USP19: variants seen among roughly 807,000 people sequenced by gnomAD.
The protein encoded by USP19 is ubiquitin specific peptidase 19, also known as ubiquitin carboxyl-terminal hydrolase 19.
Under a neutral mutation model 144.8 loss-of-function variants are expected in USP19, and 40 were observed. The ratio of observed to expected loss-of-function variants is 0.28; its 90% confidence interval spans 0.21 to 0.36. The LOEUF is 0.36. Among genes scored for constraint, USP19 ranks in the 10% least tolerant of loss-of-function variants. The pLI is 1.00. For missense variants in USP19, 1,518 were observed against 1,822.5 expected (o/e 0.83, Z 3.04); for synonymous variants, 701 against 709.3 (o/e 0.99, Z 0.19).
intron 17 of USP19, 22 bp downstream of exon 17, chr3:49,113,970 G>T: frequency 6.2e-7 from 1 of 1,611,968 alleles, no homozygotes; most frequent in Non-Finnish European, 8.5e-7. Context: ...ACATGTGATA[G>T]CCCAAGGAAG....
At position 49,114,670 on chromosome 3, in the gene USP19, G is replaced by A. The variant is rs1314771995; in HGVS notation, c.2292+93C>T. On this transcript the variant is annotated intron_variant, in intron 15 of 26. Transcript: ENST00000417901. This position sits in a 1 kb window ranked among gnomAD's most constrained non-coding sequence, Gnocchi z 4.5. Reference sequence around the variant, plus strand: ...AGCTTCTTTGCCCAAACCTTGCCCTGTAGCACCTTAAGATGCACATGCCTC... The same window carrying A: ...AGCTTCTTTGCCCAAACCTTGCCCTATAGCACCTTAAGATGCACATGCCTC... 5 of 1,391,294 alleles carry A rather than the reference G, an allele frequency of 3.6e-6. No individual in the cohort carries two copies. The highest frequency in any genetic ancestry group is 2.5e-5 in the South Asian group (2 of 81,314). The allele number at this position is 1,391,294 out of a possible 1,614,324, so 86.2% of individuals were successfully genotyped here. A position where few individuals can be genotyped will look rare whatever the true frequency, so the allele number is the denominator to read the frequency against.
chr3:49,119,404 C>G (rs2044755790), intron 1 of USP19, 123 bp from the exon 2 acceptor site: 1 of 410,490 alleles, frequency 2.4e-6, no homozygotes, highest in Non-Finnish European at 4.4e-6. Flanking sequence ...CTTAAGTACC[C>G]CTGGACACTC....
chr3:49,112,777 A>C lies in USP19; in HGVS notation c.2506-148T>G, dbSNP rs2043380289. 2.5e-6 allele frequency: 3 copies of C among 1,189,248 alleles called. No individual in the cohort carries two copies. Among genetic ancestry groups the C allele is most frequent in the Non-Finnish European group, 3.4e-6 (3 of 874,468 alleles). The allele number at this position is 1,189,248 out of a possible 1,614,324, so 73.7% of individuals were successfully genotyped here. On this transcript the variant is annotated intron_variant, in intron 17 of 26. Coordinates refer to ENST00000417901, the MANE Select transcript of USP19 (RefSeq NM_001199161.2). The surrounding 1 kb of genome is among the most constrained non-coding windows in gnomAD (Gnocchi z 4.9). Reference sequence around the variant, plus strand: ...CAAATAGGCTTATGCCTCTGCTGGCACCTGTCTCAGTGCCCAATGCCATAA... The same window carrying C: ...CAAATAGGCTTATGCCTCTGCTGGCCCCTGTCTCAGTGCCCAATGCCATAA...
In USP19 at chr3:49,117,052, C is replaced by G. The variant is rs369637332; in HGVS notation, c.909+7G>C. The G allele has an allele frequency of 1.1e-5, 17 of 1,518,362 alleles. No individual in the cohort carries two copies. The Admixed American group carries it at 2.1e-4, about 19-fold the overall frequency. 94.1% of individuals were successfully genotyped at this position (1,518,362 alleles called of 1,614,324 possible). A position where few individuals can be genotyped will look rare whatever the true frequency, so the allele number is the denominator to read the frequency against. On this transcript the variant is annotated splice_region_variant and intron_variant, in intron 6 of 26. Transcript: ENST00000417901. The surrounding 1 kb of genome is among the most constrained non-coding windows in gnomAD (Gnocchi z 4.4). ...TCCTAACACCCAAACAGGTGCCCAG[C>G]TCTCACCTGGGTGGCTGGGTCAGCC...
In USP19 at chr3:49,108,548, C is replaced by T; in HGVS notation, c.4039-20G>A. The T allele has an allele frequency of 8.1e-7, 1 of 1,239,812 alleles. No individual in the cohort carries two copies. Among genetic ancestry groups the T allele is most frequent in the Non-Finnish European group, 1.0e-6 (1 of 969,098 alleles). 76.8% of individuals were successfully genotyped at this position (1,239,812 alleles called of 1,614,324 possible). A position where few individuals can be genotyped will look rare whatever the true frequency, so the allele number is the denominator to read the frequency against. The stretch of plus-strand genomic sequence containing the variant: ...TAGTCCCTGCAACAGAATACGAGGA[C>T]AGGGGTTGGGGGCTGCCCAGCATGC... On this transcript the variant is annotated intron_variant, in intron 26 of 26. Transcript: ENST00000417901. The surrounding 1 kb of genome is among the most constrained non-coding windows in gnomAD (Gnocchi z 4.8).
Position 49,108,421 on chromosome 3 carries a change from C to T in USP19, c.4146G>A (p.Glu1382=), listed in dbSNP as rs1312853580. 5 of 1,397,526 alleles carry T rather than the reference C, an allele frequency of 3.6e-6. No homozygotes were observed. The East Asian group carries it at 1.5e-4, about 43-fold the overall frequency. The allele number at this position is 1,397,526 out of a possible 1,614,324, so 86.6% of individuals were successfully genotyped here. The change falls in exon 27 of 27, where the codon GAG becomes GAA. Residue 1382 remains glutamate (E), a synonymous_variant. Transcript: ENST00000417901. This position sits in a 1 kb window ranked among gnomAD's most constrained non-coding sequence, Gnocchi z 4.8. ...RPAPTYSNME[E]VD ...ATCAGCCAGGGACCTGCTAATCCAC[C>T]TCCTCCATGTTGCTGTAGGTGGGGG...
chr3:49,112,289 G>A lies in USP19; in HGVS notation c.2760C>T (p.Cys920=). 1 of 1,608,702 alleles carries A rather than the reference G, an allele frequency of 6.2e-7. No homozygotes were observed. The change falls in exon 19 of 27, where the codon TGC becomes TGT. Residue 920 remains cysteine, a synonymous_variant. Coordinates refer to ENST00000417901, the MANE Select transcript of USP19 (RefSeq NM_001199161.2). This position sits in a 1 kb window ranked among gnomAD's most constrained non-coding sequence, Gnocchi z 4.9. ...RCTRCYRVGY[C]NQLCQKTHWP... ...GAGACCATGGGGGTCCTCACTGGTT[G>A]CAGTAGCCCACACGGTAGCACCGGG...
rs765292099 is a variant in USP19, at chr3:49,112,002, G to C, written c.2812C>G (p.Pro938Ala). The C allele has an allele frequency of 1.2e-6, 2 of 1,613,990 alleles. No individual in the cohort carries two copies. The highest frequency in any genetic ancestry group is 1.7e-6 in the Non-Finnish European group (2 of 1,180,038). ...HWPDHKGLCRPENIGYPFLVS... is the reference protein window; with the variant it reads ...HWPDHKGLCRAENIGYPFLVS... ...AGGAAGGGGTAGCCAATGTTCTCAG[G>C]TCGGCAGAGGCCCTTGTGGTCAGGC... The change falls in exon 20 of 27, where the codon CCT becomes GCT. Residue 938 changes from proline (P) to alanine (A), a missense_variant. By Grantham distance (27) the Pro-to-Ala change is conservative (BLOSUM62 -1). This residue lies in a region of USP19 where 413 missense variants were observed against 515.8 expected (regional missense o/e 0.80). Coordinates refer to ENST00000417901, the MANE Select transcript of USP19 (RefSeq NM_001199161.2). This position sits in a 1 kb window ranked among gnomAD's most constrained non-coding sequence, Gnocchi z 4.9.
chr3:49,115,732 G>A lies in USP19; in HGVS notation c.1684C>T (p.Leu562=). The stretch of plus-strand genomic sequence containing the variant: ...CACCCCAGAATTCTCACCGAGGCCA[G>A]GTGTGTCTCTGGCTTTGGGGTTACA... ...EHVTPKPETH[L]ASPKPTCMVP... Residue 562 remains leucine (L), a synonymous_variant, in exon 11 of 27, where the codon CTG becomes TTG. Transcript: ENST00000417901. The surrounding 1 kb of genome is among the most constrained non-coding windows in gnomAD (Gnocchi z 6.6). 2 of 1,610,280 alleles carry A rather than the reference G, an allele frequency of 1.2e-6. No homozygotes were observed. The highest frequency in any genetic ancestry group is 1.7e-6 in the Non-Finnish European group (2 of 1,177,108).
At position 49,117,217 on chromosome 3, in the gene USP19, G is replaced by A. The variant is rs778088305; in HGVS notation, c.751C>T (p.Arg251Cys). ...EARNQKRAQG[R>C]GEVGAGAGPG... ...CCAGCCCCTGCGCCTACCTCACCAC[G>A]GCCCTGGGCCCGCTTCTGGTTCCGG... Residue 251 changes from arginine (R) to cysteine (C), a missense_variant, in exon 6 of 27, where the codon CGT (arginine) becomes TGT (cysteine). Arg to Cys is a radical substitution (Grantham distance 180). Transcript: ENST00000417901. The surrounding 1 kb of genome is among the most constrained non-coding windows in gnomAD (Gnocchi z 4.4). 4.5e-5 allele frequency: 70 copies of A among 1,548,266 alleles called. No homozygotes were observed. The highest frequency in any genetic ancestry group is 5.8e-5 in the Non-Finnish European group (66 of 1,147,318).
Position 49,115,957 on chromosome 3 carries a change from G to T in USP19, c.1472-13C>A. On this transcript the variant is annotated splice_polypyrimidine_tract_variant and intron_variant, in intron 10 of 26. Transcript: ENST00000417901. The surrounding 1 kb of genome is among the most constrained non-coding windows in gnomAD (Gnocchi z 6.6). ...CCACCCACTGCACCTTAAAAAGGGGGAATGAGAGGGCTGGTGGTTAGCAGC... is the reference window on the plus strand; with the variant it reads ...CCACCCACTGCACCTTAAAAAGGGGTAATGAGAGGGCTGGTGGTTAGCAGC... The T allele has an allele frequency of 6.4e-7, 1 of 1,554,054 alleles. No individual in the cohort carries two copies. Among genetic ancestry groups the T allele is most frequent in the East Asian group, 2.3e-5 (1 of 44,396 alleles).
chr3:49,115,454 G>A lies in USP19; in HGVS notation c.1878C>T (p.Asp626=). The change falls in exon 12 of 27, where the codon GAC becomes GAT. Residue 626 remains aspartate, a synonymous_variant. Transcript: ENST00000417901. This position sits in a 1 kb window ranked among gnomAD's most constrained non-coding sequence, Gnocchi z 6.6. ...QSLSNTRELR[D]FFHDRSFEAE... ...AGGCCCTGCCCTCACCATGGAAGAA[G>A]TCCCGGAGTTCCCGAGTGTTGGACA... is the stretch of plus-strand genomic sequence containing the variant. 1.2e-6 allele frequency: 2 copies of A among 1,614,058 alleles called. No homozygotes were observed. The highest frequency in any genetic ancestry group is 1.7e-6 in the Non-Finnish European group (2 of 1,179,884).
Position 49,114,893 on chromosome 3 carries a change from G to A in USP19, c.2182-20C>T. On this transcript the variant is annotated intron_variant, in intron 14 of 26. Transcript: ENST00000417901. The surrounding 1 kb of genome is among the most constrained non-coding windows in gnomAD (Gnocchi z 4.5). ...TACCACCTGAGAGGCAGAGTGGTGA[G>A]AACCAAAGAGTACCAGGGGCTGGGA... 8 of 1,614,170 alleles carry A rather than the reference G, an allele frequency of 5.0e-6. No individual in the cohort carries two copies. Among genetic ancestry groups the A allele is most frequent in the Non-Finnish European group, 6.8e-6 (8 of 1,180,038 alleles).
At position 49,119,208 on chromosome 3, in the gene USP19, T is replaced by C; in HGVS notation, c.-63A>G. 6.5e-7 allele frequency: 1 copy of C among 1,545,176 alleles called. No homozygotes were observed. The highest frequency in any genetic ancestry group is 8.7e-7 in the Non-Finnish European group (1 of 1,151,030). ...TCGGCAACAGCGTCTGGGTCAGGGC[T>C]GCGGCGCTTTCTTCCTGGCCCAGCT... On this transcript the variant is annotated 5_prime_UTR_variant, in exon 2 of 27. Transcript: ENST00000417901.
At position 49,116,608 on chromosome 3, in the gene USP19, C is replaced by T; in HGVS notation, c.1127-1G>A. 6.2e-7 allele frequency: 1 copy of T among 1,614,130 alleles called. No individual in the cohort carries two copies. Among genetic ancestry groups the T allele is most frequent in the Non-Finnish European group, 8.5e-7 (1 of 1,180,012 alleles). On this transcript the variant is annotated splice_acceptor_variant, in intron 7 of 26. Transcript: ENST00000417901. LOFTEE classifies it high-confidence loss of function. The surrounding 1 kb of genome is among the most constrained non-coding windows in gnomAD (Gnocchi z 5.0). ...GCCAGGTTCACCATCGACTCGGGCT[C>T]TATATTGAGACCATGGCTCAGCCCC...
At position 49,115,472 on chromosome 3, in the gene USP19, G is replaced by A. The variant is rs1560022030; in HGVS notation, c.1860C>T (p.Asn620=). Residue 620 remains asparagine (N), a synonymous_variant, in exon 12 of 27, where the codon AAC becomes AAT. Coordinates refer to ENST00000417901, the MANE Select transcript of USP19 (RefSeq NM_001199161.2). The surrounding 1 kb of genome is among the most constrained non-coding windows in gnomAD (Gnocchi z 6.6). The stretch of plus-strand genomic sequence containing the variant: ...GGAAGAAGTCCCGGAGTTCCCGAGT[G>A]TTGGACAGAGACTGAATGACGCTGT... ...FMNSVIQSLS[N]TRELRDFFHD... is the part of the protein sequence containing the mutation. The A allele has an allele frequency of 6.2e-7, 1 of 1,614,232 alleles. No homozygotes were observed. The highest frequency in any genetic ancestry group is 8.5e-7 in the Non-Finnish European group (1 of 1,180,040).
Position 49,115,765 on chromosome 3 carries a change from T to C in USP19, c.1651A>G (p.Met551Val), listed in dbSNP as rs751846214. Residue 551 changes from methionine to valine, a missense_variant, in exon 11 of 27, where the codon ATG (methionine) becomes GTG (valine). By Grantham distance (21) the Met-to-Val change is conservative (BLOSUM62 1). Around this residue, in one of 5 missense-constraint regions of USP19, gnomAD observed 707 missense variants for 728.9 expected, o/e 0.97. Transcript: ENST00000417901. The surrounding 1 kb of genome is among the most constrained non-coding windows in gnomAD (Gnocchi z 6.6). ...TCTGGCTTTGGGGTTACATGCTCCA[T>C]GGGTGTGCGGGTTGCCACACTGTCT... The part of the protein sequence containing the change: ...GLDSVATRTP[M>V]EHVTPKPETH... 7 of 1,613,620 alleles carry C rather than the reference T, an allele frequency of 4.3e-6. No homozygotes were observed. The African/African-American group carries it at 6.7e-5, about 15-fold the overall frequency.
rs1455787013 is a variant in USP19, at chr3:49,117,041, C to T, written c.909+18G>A. The T allele has an allele frequency of 1.3e-6, 2 of 1,520,200 alleles. No individual in the cohort carries two copies. The highest frequency in any genetic ancestry group is 1.4e-5 in the African/African-American group (1 of 72,350). 94.2% of individuals were successfully genotyped at this position (1,520,200 alleles called of 1,614,324 possible). A position where few individuals can be genotyped will look rare whatever the true frequency, so the allele number is the denominator to read the frequency against. On this transcript the variant is annotated intron_variant, in intron 6 of 26. Transcript: ENST00000417901. This position sits in a 1 kb window ranked among gnomAD's most constrained non-coding sequence, Gnocchi z 4.4. ...TTCCCCCCATCTCCTAACACCCAAA[C>T]AGGTGCCCAGCTCTCACCTGGGTGG...
At position 49,111,436 on chromosome 3, in the gene USP19, A is replaced by G; in HGVS notation, c.3217+64T>C. Reference sequence around the variant, plus strand: ...TCACCAGGCCCACCAGGCCCTAAACAACAGCCCCCTCCATCCTCCCTTATC... The same window carrying G: ...TCACCAGGCCCACCAGGCCCTAAACGACAGCCCCCTCCATCCTCCCTTATC... On this transcript the variant is annotated intron_variant, in intron 21 of 26. Transcript: ENST00000417901. This position sits in a 1 kb window ranked among gnomAD's most constrained non-coding sequence, Gnocchi z 5.9. 6.2e-7 allele frequency: 1 copy of G among 1,613,190 alleles called. No homozygotes were observed. Among genetic ancestry groups the G allele is most frequent in the Admixed American group, 1.7e-5 (1 of 59,966 alleles).
Sources: gnomAD v4.1 joint callset for allele counts on GRCh38, gnomAD v4.1.1 for gene constraint, gnomAD v4.1.1 regional missense constraint, Gnocchi (gnomAD v3.1) non-coding constraint, MANE v1.5 for transcripts, NCBI Gene and HGNC (gene_info 2026-07-23, HGNC 2026-07-21) for gene names.